ENTHD1: variants seen among roughly 807,000 people sequenced by gnomAD.
ENTHD1 encodes the protein ENTH domain-containing protein 1.
A neutral mutation model predicts 39.1 loss-of-function variants in ENTHD1; 23 were observed. That is an observed-to-expected ratio of 0.59 (90% CI 0.42 to 0.83). The LOEUF is 0.83. ENTHD1 is among the 40% of genes least tolerant of loss of function. ENTHD1 has a pLI of 0.00. For synonymous variants in ENTHD1, 230 were observed against 258.2 expected (o/e 0.89, Z 1.05); for missense variants, 624 against 705.4 (o/e 0.88, Z 1.31).
At chr22:39,848,634 T>C (rs2066010422) in intron 3 of ENTHD1, among the ~76,000 whole-genome samples, 1 of 152,202 alleles carries the variant, frequency 6.6e-6, no homozygotes, top group South Asian at 2.1e-4. Context: ...ATAACAATCA[T>C]GGGGGTGGTA....
intron 5 of ENTHD1, among the ~76,000 whole-genome samples, chr22:39,810,419 G>A (rs928581584): frequency 6.6e-6 from 1 of 152,154 alleles, no homozygotes; most frequent in African/African-American, 2.4e-5. Flanking sequence ...CAGAATGTAT[G>A]GTGAGAACAG....
intron 5 of ENTHD1, among the ~76,000 whole-genome samples, chr22:39,787,658 C>T (rs1324231231): frequency 6.6e-6 from 1 of 152,192 alleles, no homozygotes; most frequent in Non-Finnish European, 1.5e-5. Flanking sequence ...GAGCAAGGCC[C>T]TAGCTCTCTT....
intron 5 of ENTHD1, among the ~76,000 whole-genome samples, chr22:39,782,948 G>T (rs1208030932): frequency 1.3e-5 from 2 of 152,124 alleles, no homozygotes; most frequent in African/African-American, 4.8e-5. Flanking sequence ...GGTAACAGAA[G>T]AAATAAAGGG....
intron 3 of ENTHD1, among the ~76,000 whole-genome samples, chr22:39,860,643 G>A (rs1356382011): frequency 6.6e-6 from 1 of 152,200 alleles, no homozygotes; most frequent in Non-Finnish European, 1.5e-5. Context: ...CTTAACTTGT[G>A]TTGGTATTAC....
chr22:39,808,215 GCTTGGACATCA>G (rs1220278039), intron 5 of ENTHD1, among the ~76,000 whole-genome samples: 7 of 152,080 alleles, frequency 4.6e-5, no homozygotes, highest in Admixed American at 1.3e-4. Context: ...TCTCATTCCA[GCTTGGACATCA>G]CTTTCTCCAG....
At position 39,743,569 on chromosome 22, in the gene ENTHD1, A is replaced by C; in HGVS notation, c.*110T>G. 3 of 1,304,894 alleles carry C rather than the reference A, an allele frequency of 2.3e-6. No homozygotes were observed. Among genetic ancestry groups the C allele is most frequent in the Non-Finnish European group, 3.0e-6 (3 of 987,570 alleles). The allele number at this position is 1,304,894 out of a possible 1,614,324, so 80.8% of individuals were successfully genotyped here. A position where few individuals can be genotyped will look rare whatever the true frequency, so the allele number is the denominator to read the frequency against. ...CTTGCTAATAAACCTGACAAGGAAA[A>C]ATTAAACCATCCCCTTTTTTGCCAT... On this transcript the variant is annotated 3_prime_UTR_variant, in exon 7 of 7. Coordinates refer to ENST00000325157, the MANE Select transcript of ENTHD1 (RefSeq NM_152512.4).
chr22:39,820,071 T>C (rs757135875), intron 5 of ENTHD1, among the ~76,000 whole-genome samples: 1 of 152,206 alleles, frequency 6.6e-6, no homozygotes, highest in Non-Finnish European at 1.5e-5. Context: ...TAACCCCCAA[T>C]TTCTTGTTTT....
intron 5 of ENTHD1, among the ~76,000 whole-genome samples, chr22:39,785,734 C>A (rs1301478096): frequency 6.6e-6 from 1 of 152,080 alleles, no homozygotes; most frequent in Non-Finnish European, 1.5e-5. Context: ...TATTCCGACC[C>A]CCTCCCCAAT....
In ENTHD1 at chr22:39,862,011, A is replaced by G. The variant is rs1569172484; in HGVS notation, c.350-4T>C. 1 of 1,475,778 alleles carries G rather than the reference A, an allele frequency of 6.8e-7. No homozygotes were observed. The highest frequency in any genetic ancestry group is 9.1e-7 in the Non-Finnish European group (1 of 1,093,990). The allele number at this position is 1,475,778 out of a possible 1,614,324, so 91.4% of individuals were successfully genotyped here. On this transcript the variant is annotated splice_polypyrimidine_tract_variant and splice_region_variant and intron_variant, in intron 2 of 6. Coordinates refer to ENST00000325157, the MANE Select transcript of ENTHD1 (RefSeq NM_152512.4). ...GATTTTTCCCGGATATAATAACCTG[A>G]AAAATACATTGACTCTGCTTAGAAA... is the stretch of plus-strand genomic sequence containing the variant.
intron 5 of ENTHD1, among the ~76,000 whole-genome samples, chr22:39,770,845 G>A (rs2066291742): frequency 6.6e-6 from 1 of 152,154 alleles, no homozygotes; most frequent in African/African-American, 2.4e-5. Context: ...CCTGGTACAG[G>A]CTGAGTGTCC....
intron 5 of ENTHD1, among the ~76,000 whole-genome samples, chr22:39,783,257 C>T (rs1483041447): frequency 6.6e-6 from 1 of 151,942 alleles, no homozygotes; most frequent in Admixed American, 6.6e-5. Flanking sequence ...AACCACAAAA[C>T]ACTGATGAAA....
intron 5 of ENTHD1, among the ~76,000 whole-genome samples, chr22:39,807,771 A>AT (rs2065654618): frequency 6.6e-6 from 1 of 152,172 alleles, no homozygotes; most frequent in Non-Finnish European, 1.5e-5. Flanking sequence ...TCACATCTAA[A>AT]TTTTTTTAAA....
intron 4 of ENTHD1, among the ~76,000 whole-genome samples, chr22:39,834,207 G>A (rs576362626): frequency 1.3e-5 from 2 of 152,020 alleles, no homozygotes; most frequent in African/African-American, 2.4e-5. Context: ...AGCCACAAAC[G>A]GAGAGAAAAT....
chr22:39,777,198 T>G (rs1029606199), intron 5 of ENTHD1, among the ~76,000 whole-genome samples: 1 of 152,214 alleles, frequency 6.6e-6, no homozygotes, highest in African/African-American at 2.4e-5. Context: ...AGTTATAAAT[T>G]AATATAGAGG....
At chr22:39,802,662 C>G (rs1464465803) in intron 5 of ENTHD1, among the ~76,000 whole-genome samples, 1 of 152,140 alleles carries the variant, frequency 6.6e-6, no homozygotes, top group African/African-American at 2.4e-5. Context: ...GAAAGGGAAA[C>G]AGGAGAAAGA....
At chr22:39,859,412 C>T (rs1007497607) in intron 3 of ENTHD1, among the ~76,000 whole-genome samples, 2 of 152,204 alleles carry the variant, frequency 1.3e-5, no homozygotes, top group African/African-American at 2.4e-5. Context: ...CAGCCTGTTT[C>T]GGCTTTCAAC....
intron 2 of ENTHD1, among the ~76,000 whole-genome samples, chr22:39,883,403 A>G (rs1316206337): frequency 6.6e-6 from 1 of 152,116 alleles, no homozygotes; most frequent in Non-Finnish European, 1.5e-5. Context: ...GCATAAAAAG[A>G]CAACTTCTTT....
intron 3 of ENTHD1, among the ~76,000 whole-genome samples, chr22:39,849,561 A>G (rs2066018607): frequency 6.6e-6 from 1 of 152,226 alleles, no homozygotes; most frequent in African/African-American, 2.4e-5. Flanking sequence ...TTCCATTTAT[A>G]TAGGTCTTTA....
chr22:39,794,538 C>CA (rs2146606099), intron 5 of ENTHD1, among the ~76,000 whole-genome samples: 2 of 152,114 alleles, frequency 1.3e-5, no homozygotes, highest in Admixed American at 1.3e-4. Flanking sequence ...CGCAGTGGCT[C>CA]ACGCCTGTAA....
Sources: gnomAD v4.1 joint callset for allele counts (sites outside exome capture counted in the v4.1 genomes callset) on GRCh38, gnomAD v4.1.1 for gene constraint, MANE v1.5 for transcripts, NCBI Gene and HGNC (gene_info 2026-07-23, HGNC 2026-07-21) for gene names.